The following CASR variants were observed in gnomAD, a reference collection of about 807,000 sequenced individuals.
CASR encodes the protein extracellular calcium-sensing receptor.
CASR carries 23 observed loss-of-function variants against 69.1 expected under a neutral mutation model. That is an observed-to-expected ratio of 0.33 (90% CI 0.24 to 0.47). The LOEUF is 0.47. CASR is among the 20% of genes least tolerant of loss of function. CASR has a pLI of 1.00. For synonymous variants in CASR, 541 were observed against 544.7 expected (o/e 0.99, Z 0.10); for missense variants, 924 against 1,356.1 (o/e 0.68, Z 5.00).
intron 1 of CASR, among the ~76,000 whole-genome samples, chr3:122,218,904 G>T (rs1364553809): frequency 1.3e-5 from 2 of 152,186 alleles, no homozygotes; most frequent in Non-Finnish European, 2.9e-5. Flanking sequence ...TAACTCAGGA[G>T]GAGGTGACAT....
At chr3:122,193,743 C>G (rs2073860714) in intron 1 of CASR, among the ~76,000 whole-genome samples, 2 of 152,140 alleles carry the variant, frequency 1.3e-5, no homozygotes, top group South Asian at 4.1e-4. Flanking sequence ...TAAAGAGAAT[C>G]TTGGAGATTC....
At chr3:122,245,037 G>A (rs774254755) in intron 1 of CASR, among the ~76,000 whole-genome samples, 1 of 152,104 alleles carries the variant, frequency 6.6e-6, no homozygotes, top group Non-Finnish European at 1.5e-5. Flanking sequence ...ATCTATGGAG[G>A]ATTGGTTCAG....
intron 1 of CASR, among the ~76,000 whole-genome samples, chr3:122,253,647 TCA>T (rs1466334595): frequency 6.6e-6 from 1 of 152,274 alleles, no homozygotes; most frequent in Non-Finnish European, 1.5e-5. Context: ...TATGCCTCAT[TCA>T]CACAGGAAAA....
At chr3:122,224,990 G>C (rs902028263) in intron 1 of CASR, among the ~76,000 whole-genome samples, 7 of 152,114 alleles carry the variant, frequency 4.6e-5, no homozygotes, top group African/African-American at 1.7e-4. Flanking sequence ...TTCAGTAAAT[G>C]GTGCTGGGTT....
intron 5 of CASR, among the ~76,000 whole-genome samples, chr3:122,280,836 T>A (rs2074879408): frequency 6.6e-6 from 1 of 152,238 alleles, no homozygotes; most frequent in African/African-American, 2.4e-5. Context: ...ATGGAAATAG[T>A]AAAAGCCCTA....
intron 1 of CASR, among the ~76,000 whole-genome samples, chr3:122,202,245 C>T (rs971047004): frequency 1.6e-4 from 24 of 152,236 alleles, no homozygotes; most frequent in African/African-American, 5.5e-4. Context: ...AGCGAAACCC[C>T]GTCTCCACCA....
chr3:122,193,312 G>T (rs2073857049), intron 1 of CASR, among the ~76,000 whole-genome samples: 1 of 151,904 alleles, frequency 6.6e-6, no homozygotes, highest in African/African-American at 2.4e-5. Context: ...CACCTCCTGG[G>T]TTCAAGCAAT....
rs577506109 is a variant in CASR at position 122,202,287 on chromosome 3, G to A, written c.-243+18475G>A. On this transcript the variant is annotated intron_variant, in intron 1 of 6. Transcript: ENST00000639785. ...CCGAAAACCAGTCAGGCGTGGTGGC[G>A]CGCGCCTGCAATGGCAGGCACTGGG... 3.0e-4 allele frequency among the ~76,000 whole-genome samples: 46 copies of A among 152,366 alleles called. No individual in the cohort carries two copies. The South Asian group carries it at 6.2e-3, about 21-fold the overall frequency.
At chr3:122,261,325 A>G (rs1265078361) in intron 3 of CASR, among the ~76,000 whole-genome samples, 1 of 152,242 alleles carries the variant, frequency 6.6e-6, no homozygotes, top group East Asian at 1.9e-4. Context: ...TCAAAGACTG[A>G]AAGGTGCTTA....
At chr3:122,248,128 G>A (rs769125793) in intron 1 of CASR, among the ~76,000 whole-genome samples, 1 of 152,212 alleles carries the variant, frequency 6.6e-6, no homozygotes, top group Non-Finnish European at 1.5e-5. Context: ...GGCAATTTGT[G>A]TTTCCCCCAG....
chr3:122,195,610 C>T (rs1559933912), intron 1 of CASR, among the ~76,000 whole-genome samples: 1 of 152,174 alleles, frequency 6.6e-6, no homozygotes. Context: ...AGGCATTATG[C>T]TAAAGATTTT....
intron 2 of CASR, among the ~76,000 whole-genome samples, chr3:122,256,376 A>G (rs1486958809): frequency 2.0e-5 from 3 of 152,190 alleles, no homozygotes; most frequent in Non-Finnish European, 4.4e-5. Context: ...TTGTACATCT[A>G]CATATTGCTT....
At chr3:122,268,996 A>G (rs1455775212) in intron 4 of CASR, among the ~76,000 whole-genome samples, 1 of 152,226 alleles carries the variant, frequency 6.6e-6, no homozygotes, top group Non-Finnish European at 1.5e-5. Context: ...AGGCATAAAG[A>G]TCCAGAAACC....
rs151135991 is a variant in CASR, at chr3:122,290,561, T to C, written c.*5370T>C. On this transcript the variant is annotated 3_prime_UTR_variant, in exon 7 of 7. Transcript: ENST00000639785. ...GATAATTGTTTCTGCTTCTTTAGGA[T>C]GTTCTAAATTTTTCCCAAGTTTTGT... The C allele has an allele frequency of 2.2e-4, 34 of 152,320 alleles. No individual in the cohort carries two copies. In the East Asian group the frequency reaches 6.6e-3, roughly 29 times the overall value. The allele number at this position is 152,320 out of a possible 1,614,324, so 9.4% of individuals were successfully genotyped here.
rs878853974 is a variant in CASR, at chr3:122,276,046, G to T, written c.1608+4G>T. On this transcript the variant is annotated splice_donor_region_variant and intron_variant, in intron 5 of 6. Coordinates refer to ENST00000639785, the MANE Select transcript of CASR (RefSeq NM_000388.4). ...GTGGAGTGGGTTCTCCAGGGAGGTA[G>T]GTGCTGTCCATCAGAAAACCAGATG... 6.9e-6 allele frequency: 11 copies of T among 1,582,794 alleles called. No homozygotes were observed. The highest frequency in any genetic ancestry group is 9.6e-6 in the Non-Finnish European group (11 of 1,151,460).
chr3:122,228,078 G>A (rs369067109), intron 1 of CASR, among the ~76,000 whole-genome samples: 2 of 152,272 alleles, frequency 1.3e-5, no homozygotes, highest in South Asian at 4.2e-4. Context: ...CATTGAATTG[G>A]GGATCTGAGA....
In CASR at chr3:122,285,006, T is replaced by C; in HGVS notation, c.3052T>C (p.Cys1018Arg). 1.2e-6 allele frequency: 2 copies of C among 1,614,088 alleles called. No individual in the cohort carries two copies. Among genetic ancestry groups the C allele is most frequent in the Admixed American group, 3.3e-5 (2 of 60,020 alleles). ...TRHEPLLPLQ[C>R]GETDLDLTVQ... is the part of the protein sequence containing the mutation. ...ACACGAGCCATTACTCCCGCTGCAG[T>C]GCGGGGAAACGGACTTAGATCTGAC... is the stretch of plus-strand genomic sequence containing the variant. Residue 1018 changes from cysteine (C) to arginine (R), a missense_variant, in exon 7 of 7, where the codon TGC (cysteine) becomes CGC (arginine). By Grantham distance (180) the Cys-to-Arg change is radical. Around this residue, in one of 8 missense-constraint regions of CASR, gnomAD observed 201 missense variants for 228.8 expected, o/e 0.88. Transcript: ENST00000639785.
At chr3:122,270,248 A>G (rs1257906248) in intron 4 of CASR, among the ~76,000 whole-genome samples, 2 of 152,346 alleles carry the variant, frequency 1.3e-5, no homozygotes, top group South Asian at 2.1e-4. Context: ...CTTTGTCCAC[A>G]TCGTCTAATT....
At chr3:122,234,469 T>G (rs963015975) in intron 1 of CASR, among the ~76,000 whole-genome samples, 4 of 152,170 alleles carry the variant, frequency 2.6e-5, no homozygotes, top group African/African-American at 9.7e-5. Flanking sequence ...AGCTTACTTC[T>G]CATTAGACAG....
Sources: allele counts gnomAD v4.1 joint callset (sites outside exome capture counted in the v4.1 genomes callset), GRCh38; gene constraint gnomAD v4.1.1; regional missense constraint gnomAD v4.1.1; transcripts MANE v1.5; gene names NCBI Gene and HGNC (gene_info 2026-07-23, HGNC 2026-07-21).